Variants in XKR6 observed in about 807,000 individuals in gnomAD.
XKR6 encodes the protein XK related 6, also known as XK-related protein 6.
In XKR6, 22 loss-of-function variants were observed where a neutral mutation model predicts 56.7. The observed-to-expected ratio is 0.39, with a 90% CI of 0.28 to 0.55. The LOEUF (loss-of-function observed/expected upper bound fraction) is 0.55. Among genes scored for constraint, XKR6 ranks in the 20% least tolerant of loss-of-function variants. The probability of loss-of-function intolerance (pLI) is 0.66; values close to 1 mark genes in which losing one functional copy is unlikely to be tolerated. For synonymous variants in XKR6, 524 were observed against 387.8 expected, an observed-to-expected ratio of 1.35 and a Z score of -4.13; for missense variants, 852 against 889.0, an observed-to-expected ratio of 0.96 and a Z score of 0.53.
At chr8:10,994,079 G>A (rs1267438672) in intron 1 of XKR6, among the ~76,000 whole-genome samples, 2 of 152,144 alleles carry the variant, frequency 1.3e-5, no homozygotes, top group Non-Finnish European at 2.9e-5. Flanking sequence ...TGAAAGTCTT[G>A]CCACCCCCTG....
chr8:11,133,655 G>A (rs1468070754), intron 1 of XKR6, among the ~76,000 whole-genome samples: 8 of 152,154 alleles, frequency 5.3e-5, no homozygotes, highest in African/African-American at 1.7e-4. Context: ...AAAGCATGCT[G>A]GCAGGGCTAT....
intron 1 of XKR6, among the ~76,000 whole-genome samples, chr8:11,113,388 C>G (rs568662839): frequency 6.6e-6 from 1 of 152,074 alleles, no homozygotes; most frequent in Non-Finnish European, 1.5e-5. Flanking sequence ...TCCCCTCCAC[C>G]CAAAAAAGTT....
At chr8:11,059,605 G>A (rs1045546206) in intron 1 of XKR6, among the ~76,000 whole-genome samples, 57 of 151,610 alleles carry the variant, frequency 3.8e-4, no homozygotes, top group African/African-American at 1.3e-3. Context: ...TGGAGGAGGA[G>A]CAGGGCGCTG....
intron 1 of XKR6, among the ~76,000 whole-genome samples, chr8:11,102,277 A>T (rs1358287353): frequency 6.6e-6 from 1 of 152,078 alleles, no homozygotes; most frequent in Non-Finnish European, 1.5e-5. Context: ...CCCATATTCA[A>T]ATTCATTTAT....
intron 1 of XKR6, among the ~76,000 whole-genome samples, chr8:10,945,840 G>A (rs751869275): frequency 2.6e-5 from 4 of 152,162 alleles, no homozygotes; most frequent in Non-Finnish European, 4.4e-5. Flanking sequence ...AGAGCTGGGT[G>A]GTGTGCAGAG....
intron 1 of XKR6, among the ~76,000 whole-genome samples, chr8:11,164,114 C>G (rs1345234307): frequency 1.3e-5 from 2 of 152,176 alleles, no homozygotes; most frequent in Non-Finnish European, 2.9e-5. Flanking sequence ...ACTTCCTACC[C>G]ACTTCCCTTC....
chr8:10,991,031 G>A (rs1357451642), intron 1 of XKR6, among the ~76,000 whole-genome samples: 1 of 150,356 alleles, frequency 6.7e-6, no homozygotes, highest in East Asian at 2.0e-4. Flanking sequence ...AGCCTCCTGA[G>A]TAACTGGGAT....
At position 11,049,483 on chromosome 8, in the gene XKR6, C is replaced by G. The variant is rs755420025; in HGVS notation, c.765-124653G>C. 4.1e-4 allele frequency among the ~76,000 whole-genome samples: 63 copies of G among 152,264 alleles called. 1 individual carries two copies. The highest frequency in any genetic ancestry group is 1.5e-3 in the South Asian group (7 of 4,826). On this transcript the variant is annotated intron_variant, in intron 1 of 2. Transcript: ENST00000416569. ...AGGGGGCTGCGGGAATTAGCCTCCT[C>G]CAGGGGTGGCTGTACGTGAAGACCT...
intron 2 of XKR6, among the ~76,000 whole-genome samples, chr8:10,910,348 T>TC (rs1800315893): frequency 6.6e-6 from 1 of 151,934 alleles, no homozygotes; most frequent in African/African-American, 2.4e-5. Context: ...TCCAAAGAAT[T>TC]CCCCCTGAGA....
At chr8:11,193,247 C>G (rs894340675) in intron 1 of XKR6, among the ~76,000 whole-genome samples, 16 of 152,156 alleles carry the variant, frequency 1.1e-4, no homozygotes, top group Non-Finnish European at 1.5e-5. Context: ...CTCATTTAAA[C>G]TAAGAAGACA....
At position 11,200,500 on chromosome 8, in the gene XKR6, G is replaced by T; in HGVS notation, c.764+76C>A. The T allele has an allele frequency of 7.3e-7, 1 of 1,364,150 alleles. No homozygotes were observed. Among genetic ancestry groups the T allele is most frequent in the Non-Finnish European group, 9.4e-7 (1 of 1,065,686 alleles). 84.5% of individuals were successfully genotyped at this position (1,364,150 alleles called of 1,614,324 possible). On this transcript the variant is annotated intron_variant, in intron 1 of 2. Transcript: ENST00000416569. This position sits in a 1 kb window ranked among gnomAD's most constrained non-coding sequence, Gnocchi z 6.4. The stretch of plus-strand genomic sequence containing the variant: ...CCCCCGCGCTGGGCCCTTTCGAGGG[G>T]CCGCCCCGCGAAGCACCGGGAGGGC...
chr8:11,145,591 T>G lies in XKR6; in HGVS notation c.764+54985A>C, dbSNP rs147530649. ...AAAAATAAACTAACAAAAATAGAAATTAATAGGACAATGACATTAATAGCA... is the reference window on the plus strand; with the variant it reads ...AAAAATAAACTAACAAAAATAGAAAGTAATAGGACAATGACATTAATAGCA... On this transcript the variant is annotated intron_variant, in intron 1 of 2. Transcript: ENST00000416569. Among the ~76,000 whole-genome samples the G allele has an allele frequency of 4.7e-4, 71 of 152,150 alleles. No individual in the cohort carries two copies. The East Asian group carries it at 0.013, about 28-fold the overall frequency.
At chr8:10,942,211 T>TACACTTTAC (rs1190434510) in intron 1 of XKR6, among the ~76,000 whole-genome samples, 1 of 152,078 alleles carries the variant, frequency 6.6e-6, no homozygotes, top group Non-Finnish European at 1.5e-5. Context: ...ACAATATGCA[T>TACACTTTAC]ACACTTTACA....
In XKR6 at chr8:10,898,178, G is replaced by C; in HGVS notation, c.1700C>G (p.Pro567Arg). 2 of 1,614,060 alleles carry C rather than the reference G, an allele frequency of 1.2e-6. No individual in the cohort carries two copies. Among genetic ancestry groups the C allele is most frequent in the Non-Finnish European group, 1.7e-6 (2 of 1,179,988 alleles). Residue 567 changes from proline (P) to arginine (R), a missense_variant, in exon 3 of 3, where the codon CCC (proline) becomes CGC (arginine). Around this residue, in one of 4 missense-constraint regions of XKR6, gnomAD observed 197 missense variants for 190.9 expected, o/e 1.03. Coordinates refer to ENST00000416569, the MANE Select transcript of XKR6 (RefSeq NM_173683.4). The surrounding 1 kb of genome is among the most constrained non-coding windows in gnomAD (Gnocchi z 6.6). ...DTCLPVFQVR[P>R]MGPPTPLGRP... ...CCCCAACGGGGTAGGGGGCCCCATG[G>C]GTCTCACTTGGAAAACAGGCAAGCA...
intron 1 of XKR6, among the ~76,000 whole-genome samples, chr8:11,073,190 T>C (rs1800178762): frequency 6.6e-6 from 1 of 152,184 alleles, no homozygotes; most frequent in South Asian, 2.1e-4. Flanking sequence ...TTTCCCAAAA[T>C]CCGAGTCCCT....
At chr8:11,089,066 C>T (rs1370566695) in intron 1 of XKR6, among the ~76,000 whole-genome samples, 14 of 152,172 alleles carry the variant, frequency 9.2e-5, no homozygotes. Flanking sequence ...AGCCACACAA[C>T]CCAAAGCAAA....
chr8:11,118,987 T>A (rs968415945), intron 1 of XKR6, among the ~76,000 whole-genome samples: 10 of 152,148 alleles, frequency 6.6e-5, no homozygotes, highest in Admixed American at 6.5e-4. Flanking sequence ...TGAATGTCTC[T>A]GAGAGATTCT....
chr8:11,125,253 C>G (rs887910138), intron 1 of XKR6, among the ~76,000 whole-genome samples: 1 of 152,186 alleles, frequency 6.6e-6, no homozygotes, highest in East Asian at 1.9e-4. Context: ...GCGAGGCAAC[C>G]GCTGCTGCTC....
At chr8:11,147,679 G>A (rs984532511) in intron 1 of XKR6, among the ~76,000 whole-genome samples, 2 of 150,458 alleles carry the variant, frequency 1.3e-5, no homozygotes, top group Admixed American at 1.3e-4. Flanking sequence ...AAGCTATATG[G>A]ATGGCAAATA....
Sources: gnomAD v4.1 joint callset for allele counts (sites outside exome capture counted in the v4.1 genomes callset) on GRCh38, gnomAD v4.1.1 for gene constraint, gnomAD v4.1.1 regional missense constraint, Gnocchi (gnomAD v3.1) non-coding constraint, MANE v1.5 for transcripts, NCBI Gene and HGNC (gene_info 2026-07-23, HGNC 2026-07-21) for gene names.